Variants in OIT3 observed in about 807,000 individuals in gnomAD.
OIT3 encodes oncoprotein induced transcript 3, also known as oncoprotein-induced transcript 3 protein.
OIT3 carries 41 observed loss-of-function variants against 52.2 expected under a neutral mutation model. That is an observed-to-expected ratio of 0.79 (90% CI 0.61 to 1.02). The LOEUF is 1.02. OIT3 is among the 50% of genes least tolerant of loss of function. The pLI, the probability that OIT3 is intolerant of heterozygous loss-of-function variation, is 0.00. For synonymous variants in OIT3, 244 were observed against 276.9 expected (o/e 0.88, Z 1.18); for missense variants, 634 against 715.5 (o/e 0.89, Z 1.30).
rs1254128417 is a variant in OIT3 at position 72,930,523 on chromosome 10, C to G, written c.1368-15C>G. 3 of 1,574,464 alleles carry G rather than the reference C, an allele frequency of 1.9e-6. No individual in the cohort carries two copies. Among genetic ancestry groups the G allele is most frequent in the Middle Eastern group, 1.7e-4 (1 of 5,988 alleles). On this transcript the variant is annotated splice_polypyrimidine_tract_variant and intron_variant, in intron 7 of 8. Transcript: ENST00000334011. ...GAAACAATCAAGTCTTATGTGCTAT[C>G]TGCCCTACTTTCAGCTGTGTTTCAG...
At chr10:72,923,626 C>A (rs902709550) in intron 6 of OIT3, among the ~76,000 whole-genome samples, 4 of 152,226 alleles carry the variant, frequency 2.6e-5, no homozygotes, top group Admixed American at 6.5e-5. Flanking sequence ...AGCTCCATCC[C>A]AGTGGGGTAC....
intron 6 of OIT3, chr10:72,918,074 T>G: frequency 8.6e-7 from 1 of 1,157,216 alleles, no homozygotes; most frequent in Non-Finnish European, 1.3e-6. Context: ...GTTTTACTTT[T>G]TTCTGTGGAA....
chr10:72,914,471 G>C (rs144357741), intron 6 of OIT3, among the ~76,000 whole-genome samples: 29 of 152,152 alleles, frequency 1.9e-4, no homozygotes, highest in South Asian at 2.1e-4. Context: ...AAGCTGATTC[G>C]ACTTGCAGTG....
chr10:72,923,671 G>A (rs1395300150), intron 6 of OIT3, among the ~76,000 whole-genome samples: 1 of 152,124 alleles, frequency 6.6e-6, no homozygotes, highest in Non-Finnish European at 1.5e-5. Flanking sequence ...CCTATAGGAG[G>A]TGGCTGGATA....
At chr10:72,901,894 TAGCCAGACATGGTGGC>T (rs1845937882) in intron 3 of OIT3, among the ~76,000 whole-genome samples, 1 of 152,006 alleles carries the variant, frequency 6.6e-6, no homozygotes. Flanking sequence ...AAAAATAAAT[TAGCCAGACATGGTGGC>T]AGCCTTCCAA....
chr10:72,912,239 GA>G (rs1193260005), intron 5 of OIT3, among the ~76,000 whole-genome samples: 5 of 150,112 alleles, frequency 3.3e-5, no homozygotes, highest in African/African-American at 1.2e-4. Context: ...AATCCTCTGA[GA>G]ATTATTTTCT....
At chr10:72,912,302 C>T (rs1846036732) in intron 5 of OIT3, among the ~76,000 whole-genome samples, 1 of 139,318 alleles carries the variant, frequency 7.2e-6, no homozygotes, top group Non-Finnish European at 1.5e-5. Flanking sequence ...CAGAGTCTCA[C>T]TCTGTTGCTC....
rs1432787575 is a variant in OIT3, at chr10:72,932,277, T to G, written c.1468-77T>G. The stretch of plus-strand genomic sequence containing the variant: ...TACATGACTTAATGTTTAGGAACAT[T>G]TAGTATTGTGTCTTGTAAGTGCCCC... On this transcript the variant is annotated intron_variant, in intron 8 of 8. Coordinates refer to ENST00000334011, the MANE Select transcript of OIT3 (RefSeq NM_152635.3). 7 of 1,268,262 alleles carry G rather than the reference T, an allele frequency of 5.5e-6. No homozygotes were observed. The Admixed American group carries it at 1.2e-4, about 22-fold the overall frequency. 78.6% of individuals were successfully genotyped at this position (1,268,262 alleles called of 1,614,324 possible). A position where few individuals can be genotyped will look rare whatever the true frequency, so the allele number is the denominator to read the frequency against.
chr10:72,895,207 C>G (rs996338539), intron 1 of OIT3, among the ~76,000 whole-genome samples: 1 of 152,168 alleles, frequency 6.6e-6, no homozygotes, highest in Admixed American at 6.5e-5. Flanking sequence ...TATGCTTGAG[C>G]TACCTGTCAT....
At chr10:72,895,381 A>T (rs894400824) in intron 1 of OIT3, among the ~76,000 whole-genome samples, 1 of 151,914 alleles carries the variant, frequency 6.6e-6, no homozygotes, top group African/African-American at 2.4e-5. Context: ...CCCTTCCCAG[A>T]TCTTTTCCTC....
intron 3 of OIT3, among the ~76,000 whole-genome samples, chr10:72,906,216 A>G (rs1334257561): frequency 2.0e-5 from 3 of 152,242 alleles, no homozygotes; most frequent in Non-Finnish European, 4.4e-5. Context: ...AGCTCCTTTC[A>G]TGACTTAAAA....
At chr10:72,906,486 G>T in intron 3 of OIT3, 110 bp from the exon 4 acceptor site, 1 of 1,187,796 alleles carries the variant, frequency 8.4e-7, no homozygotes. Context: ...GAGCTGGATG[G>T]TGGAAGGTGC....
chr10:72,899,703 T>TGATAGATAGATAGATA (rs373777568), intron 2 of OIT3, among the ~76,000 whole-genome samples: 1 of 144,860 alleles, frequency 6.9e-6, no homozygotes, highest in African/African-American at 2.6e-5. Context: ...GATAGATAGA[T>TGATAGATAGATAGATA]GATAGATAGA....
In OIT3 at chr10:72,916,547, A is replaced by G. The variant is rs143711913; in HGVS notation, c.951+3079A>G. Among the ~76,000 whole-genome samples, 955 of 152,234 alleles carry G rather than the reference A, an allele frequency of 6.3e-3. 6 individuals are homozygous for G. The highest frequency in any genetic ancestry group is 0.038 in the East Asian group (198 of 5,184). On this transcript the variant is annotated intron_variant, in intron 6 of 8. Transcript: ENST00000334011. ...TGCAAGTATTCCATGGTGTATATGT[A>G]CCACATTTTCTTTACCCAGCCTATC...
intron 6 of OIT3, among the ~76,000 whole-genome samples, chr10:72,918,844 G>A (rs896589664): frequency 6.6e-6 from 1 of 152,052 alleles, no homozygotes; most frequent in Non-Finnish European, 1.5e-5. Context: ...GTCTGTTCTT[G>A]TACCAATACC....
At position 72,932,411 on chromosome 10, in the gene OIT3, T is replaced by TG; in HGVS notation, c.1526dup (p.Cys509TrpfsTer76). ...TGGAGTGTTGGACGAGCGTTCCCGC[T>TG]GTGCCCAGGGTTGCCACCGGCGAAT... is the stretch of plus-strand genomic sequence containing the variant. On this transcript the variant is annotated frameshift_variant, in exon 9 of 9. Transcript: ENST00000334011. LOFTEE classifies it low-confidence loss of function (END_TRUNC). 1.9e-6 allele frequency: 3 copies of TG among 1,614,244 alleles called. No individual in the cohort carries two copies. The highest frequency in any genetic ancestry group is 2.5e-6 in the Non-Finnish European group (3 of 1,180,030).
rs112751116 is a variant in OIT3 at position 72,912,138 on chromosome 10, G to A, written c.790+299G>A. Among the ~76,000 whole-genome samples the A allele has an allele frequency of 3.4e-3, 520 of 152,192 alleles. 3 individuals are homozygous for A. Among genetic ancestry groups the A allele is most frequent in the African/African-American group, 0.012 (485 of 41,534 alleles). On this transcript the variant is annotated intron_variant, in intron 5 of 8. Coordinates refer to ENST00000334011, the MANE Select transcript of OIT3 (RefSeq NM_152635.3). ...AGCATAAGACATTGATACATCTCCTGTCTTTTCTAACAGGGTTGAAACTAA... is the reference window on the plus strand; with the variant it reads ...AGCATAAGACATTGATACATCTCCTATCTTTTCTAACAGGGTTGAAACTAA...
chr10:72,918,484 A>C, intron 6 of OIT3: 2 of 1,308,808 alleles, frequency 1.5e-6, no homozygotes, highest in Non-Finnish European at 2.2e-6. Context: ...AACCAAAAAG[A>C]TAGTTCTGGG....
intron 2 of OIT3, 74 bp from the exon 3 acceptor site, chr10:72,900,300 CGCA>C: frequency 1.3e-6 from 1 of 790,356 alleles, no homozygotes. Flanking sequence ...CCCGACCCCC[CGCA>C]CCATCTCTAA....
Sources: allele counts gnomAD v4.1 joint callset (sites outside exome capture counted in the v4.1 genomes callset), GRCh38; gene constraint gnomAD v4.1.1; transcripts MANE v1.5; gene names NCBI Gene and HGNC (gene_info 2026-07-23, HGNC 2026-07-21).